TRHDE: variants seen among roughly 807,000 people sequenced by gnomAD.
The protein encoded by TRHDE is thyrotropin releasing hormone degrading enzyme, also known as thyrotropin-releasing hormone-degrading ectoenzyme.
A neutral mutation model predicts 125.7 loss-of-function variants in TRHDE; 72 were observed. That is an observed-to-expected ratio of 0.57 (90% CI 0.47 to 0.70). The LOEUF (loss-of-function observed/expected upper bound fraction) is 0.70. Ranked by LOEUF, TRHDE falls within the 30% of genes least tolerant of loss-of-function variation. TRHDE has a pLI of 0.00. For missense variants in TRHDE, 1,110 were observed against 1,327.1 expected, an observed-to-expected ratio of 0.84 and a Z score of 2.54; for synonymous variants, 509 against 509.1, an observed-to-expected ratio of 1.00 and a Z score of 0.00.
chr12:72,381,578 A>G (rs1437295590), intron 3 of TRHDE, among the ~76,000 whole-genome samples: 2 of 151,658 alleles, frequency 1.3e-5, no homozygotes, highest in African/African-American at 2.4e-5. Flanking sequence ...TTGTATTTTT[A>G]GTAGAGACGG....
At chr12:72,534,055 G>A (rs1404894455) in intron 6 of TRHDE, among the ~76,000 whole-genome samples, 1 of 152,012 alleles carries the variant, frequency 6.6e-6, no homozygotes, top group Non-Finnish European at 1.5e-5. Flanking sequence ...CTCATAGTCT[G>A]GATTGCTGAT....
intron 3 of TRHDE, among the ~76,000 whole-genome samples, chr12:72,456,237 T>C (rs887851185): frequency 1.3e-5 from 2 of 151,488 alleles, no homozygotes; most frequent in Non-Finnish European, 2.9e-5. Flanking sequence ...ACATTCATTT[T>C]GGGGCATTCC....
intron 7 of TRHDE, among the ~76,000 whole-genome samples, chr12:72,551,493 T>A (rs1869669897): frequency 6.6e-6 from 1 of 152,218 alleles, no homozygotes; most frequent in Admixed American, 6.6e-5. Context: ...CATTTCTTAA[T>A]GTTTTGTGCT....
chr12:72,287,977 A>C (rs1164918467), intron 2 of TRHDE, among the ~76,000 whole-genome samples: 2 of 151,632 alleles, frequency 1.3e-5, no homozygotes, highest in Non-Finnish European at 2.9e-5. Context: ...AGTAAAGTAA[A>C]TTGAGTACAG....
intron 15 of TRHDE, among the ~76,000 whole-genome samples, chr12:72,644,492 C>A (rs368440022): frequency 6.6e-6 from 1 of 152,062 alleles, no homozygotes; most frequent in East Asian, 1.9e-4. Context: ...AAAGAAAAAT[C>A]CCAATTCTTG....
intron 12 of TRHDE, among the ~76,000 whole-genome samples, chr12:72,603,763 A>C (rs894412092): frequency 2.8e-5 from 3 of 108,348 alleles, no homozygotes; most frequent in African/African-American, 1.2e-4. Context: ...CAACAACAAC[A>C]ACAAAAAAAC....
intron 3 of TRHDE, among the ~76,000 whole-genome samples, chr12:72,381,642 C>T (rs1464426825): frequency 5.9e-5 from 9 of 152,000 alleles, no homozygotes; most frequent in South Asian, 2.1e-4. Flanking sequence ...GTGATCCGCC[C>T]GCCTCGGCCT....
chr12:72,492,678 A>G (rs1429541064), intron 5 of TRHDE, among the ~76,000 whole-genome samples: 1 of 151,918 alleles, frequency 6.6e-6, no homozygotes, highest in Admixed American at 6.6e-5. Context: ...TTATGTGTTT[A>G]TCCTTCATTC....
intron 2 of TRHDE, among the ~76,000 whole-genome samples, chr12:72,200,734 AG>A (rs1349057922): frequency 6.6e-6 from 1 of 152,206 alleles, no homozygotes; most frequent in Non-Finnish European, 1.5e-5. Context: ...ATCAAGCTGA[AG>A]GTACTGATTA....
At chr12:72,394,612 G>A (rs1424552807) in intron 3 of TRHDE, among the ~76,000 whole-genome samples, 1 of 152,068 alleles carries the variant, frequency 6.6e-6, no homozygotes, top group Non-Finnish European at 1.5e-5. Context: ...TTCTATAAAT[G>A]TTTTGTTTAC....
At chr12:72,272,323 C>A (rs1879253904), upstream of TRHDE, 22 of 359,464 alleles carry the variant, frequency 6.1e-5, no homozygotes, top group South Asian at 4.6e-4. The surrounding 1 kb of genome is among the most constrained non-coding windows in gnomAD (Gnocchi z 6.7). Flanking sequence ...GAGCCGCAGG[C>A]GCGCAGGGGC....
intron 2 of TRHDE, among the ~76,000 whole-genome samples, chr12:72,218,879 C>T (rs1425841781): frequency 6.6e-6 from 1 of 152,112 alleles, no homozygotes; most frequent in Non-Finnish European, 1.5e-5. Flanking sequence ...ATGCTTTCTC[C>T]AAATAAGTTA....
At chr12:72,201,984 T>G (rs1252532665) in intron 2 of TRHDE, among the ~76,000 whole-genome samples, 1 of 152,238 alleles carries the variant, frequency 6.6e-6, no homozygotes, top group African/African-American at 2.4e-5. Flanking sequence ...GAACTCTGTC[T>G]TATTAATTTT....
intron 12 of TRHDE, among the ~76,000 whole-genome samples, chr12:72,592,650 G>A (rs1238858442): frequency 1.3e-5 from 2 of 149,952 alleles, no homozygotes; most frequent in East Asian, 3.9e-4. Context: ...TTTCTGTAGA[G>A]GCAGCTCTAG....
chr12:72,513,763 T>A (rs1335552196), intron 6 of TRHDE, among the ~76,000 whole-genome samples: 1 of 151,962 alleles, frequency 6.6e-6, no homozygotes, highest in Non-Finnish European at 1.5e-5. Flanking sequence ...CAGGAGAGTT[T>A]AAGCACGATT....
At chr12:72,522,263 T>C (rs1194951898) in intron 6 of TRHDE, among the ~76,000 whole-genome samples, 1 of 152,184 alleles carries the variant, frequency 6.6e-6, no homozygotes, top group Non-Finnish European at 1.5e-5. Flanking sequence ...ACCTTACCCA[T>C]AAAACATGAA....
intron 3 of TRHDE, among the ~76,000 whole-genome samples, chr12:72,447,329 A>G (rs948902749): frequency 4.6e-5 from 7 of 152,176 alleles, no homozygotes; most frequent in African/African-American, 1.7e-4. Flanking sequence ...GAGAACAAAG[A>G]CACAACATAC....
At position 72,558,996 on chromosome 12, in the gene TRHDE, A is replaced by G. The variant is rs1372386535; in HGVS notation, c.1789-3169A>G. Among the ~76,000 whole-genome samples the G allele has an allele frequency of 2.0e-5, 3 of 152,100 alleles. No individual in the cohort carries two copies. In the East Asian group the frequency reaches 5.8e-4, roughly 29 times the overall value. ...GAAGACTCTGAGTTCCAATGTTCTG[A>G]TTTCTTAAATGATGATAATAATGTC... On this transcript the variant is annotated intron_variant, in intron 7 of 18. Coordinates refer to ENST00000261180, the MANE Select transcript of TRHDE (RefSeq NM_013381.3).
At chr12:72,301,859 C>G (rs952033387) in intron 2 of TRHDE, among the ~76,000 whole-genome samples, 2 of 151,950 alleles carry the variant, frequency 1.3e-5, no homozygotes, top group Admixed American at 1.3e-4. Flanking sequence ...ATGGGATCCT[C>G]TATGGGGACA....
Sources: allele counts gnomAD v4.1 joint callset (sites outside exome capture counted in the v4.1 genomes callset), GRCh38; gene constraint gnomAD v4.1.1; non-coding constraint Gnocchi (gnomAD v3.1); transcripts MANE v1.5; gene names NCBI Gene and HGNC (gene_info 2026-07-23, HGNC 2026-07-21).